The following MCMBP variants were observed in gnomAD, a reference collection of about 807,000 sequenced individuals.
MCMBP encodes mini-chromosome maintenance complex-binding protein.
A neutral mutation model predicts 81.3 loss-of-function variants in MCMBP; 31 were observed. The ratio of observed to expected loss-of-function variants is 0.38; its 90% confidence interval spans 0.29 to 0.51. The LOEUF (loss-of-function observed/expected upper bound fraction) is 0.51, where lower values mean the gene tolerates loss of function less well. Among genes scored for constraint, MCMBP ranks in the 20% least tolerant of loss-of-function variants. The probability of loss-of-function intolerance (pLI) is 0.87; values close to 1 mark genes in which losing one functional copy is unlikely to be tolerated. For synonymous variants in MCMBP, 267 were observed against 275.9 expected (o/e 0.97, Z 0.32); for missense variants, 645 against 772.1 (o/e 0.84, Z 1.95).
intron 13 of MCMBP, 149 bp from the exon 14 acceptor site, chr10:119,835,853 G>A: frequency 1.1e-6 from 1 of 890,608 alleles, no homozygotes; most frequent in Non-Finnish European, 1.7e-6. Flanking sequence ...TTTTTTCTGT[G>A]TGTGAGACAG....
chr10:119,856,155 G>C (rs1025843897), intron 5 of MCMBP, among the ~76,000 whole-genome samples: 1 of 152,214 alleles, frequency 6.6e-6, no homozygotes, highest in African/African-American at 2.4e-5. Context: ...CCAGGAGATG[G>C]AGGTTGCAGT....
At chr10:119,835,794 T>C (rs1001727324) in intron 13 of MCMBP, 90 bp from the exon 14 acceptor site, 13 of 1,354,676 alleles carry the variant, frequency 9.6e-6, no homozygotes, top group Non-Finnish European at 1.1e-5. Context: ...TCAGCCCCTA[T>C]GGGAATTAGA....
rs1009353023 is a variant in MCMBP at position 119,829,604 on chromosome 10, T to C, written c.*1870A>G. On this transcript the variant is annotated 3_prime_UTR_variant, in exon 16 of 16. Coordinates refer to ENST00000369077, the MANE Select transcript of MCMBP (RefSeq NM_001256378.2). ...GTATATATAGGTGAGGGACAAAGGGTTTCTGCAGCCAAGCACTGCACTCCA... is the reference window on the plus strand; with the variant it reads ...GTATATATAGGTGAGGGACAAAGGGCTTCTGCAGCCAAGCACTGCACTCCA... The C allele has an allele frequency of 1.3e-5, 2 of 151,986 alleles. No individual in the cohort carries two copies. Among genetic ancestry groups the C allele is most frequent in the Non-Finnish European group, 2.9e-5 (2 of 68,002 alleles). 9.4% of individuals were successfully genotyped at this position (151,986 alleles called of 1,614,324 possible). A position where few individuals can be genotyped will look rare whatever the true frequency, so the allele number is the denominator to read the frequency against.
Position 119,837,012 on chromosome 10 carries a change from C to T in MCMBP, c.1426G>A (p.Ala476Thr). The T allele has an allele frequency of 6.2e-7, 1 of 1,613,444 alleles. No individual in the cohort carries two copies. Among genetic ancestry groups the T allele is most frequent in the Non-Finnish European group, 8.5e-7 (1 of 1,179,708 alleles). ...TGCCACGTTATGAGGTTGCTCAGGG[C>T]TGTCACATTATGAACACCTACAAAG... ...LDTPGVHNVT[A>T]LSNLITWQKV... The change falls in exon 13 of 16, where the codon GCC becomes ACC. Residue 476 changes from alanine to threonine, a missense_variant. Ala to Thr is a moderately conservative substitution (Grantham distance 58). Transcript: ENST00000369077.
At chr10:119,866,891 A>T (rs1853477092) in intron 1 of MCMBP, among the ~76,000 whole-genome samples, 2 of 152,072 alleles carry the variant, frequency 1.3e-5, no homozygotes, top group South Asian at 4.1e-4. Flanking sequence ...TGAACCTGGG[A>T]GGTAGAGGTT....
Position 119,831,101 on chromosome 10 carries a change from CTGACTT to C in MCMBP, c.*367_*372del, listed in dbSNP as rs1303870820. ...ATAAGAAATCCGAAGCACGATTCCT[CTGACTT>C]TGAAACTGCAACAACCTTCTTCATT... On this transcript the variant is annotated 3_prime_UTR_variant, in exon 16 of 16. Coordinates refer to ENST00000369077, the MANE Select transcript of MCMBP (RefSeq NM_001256378.2). 1.3e-5 allele frequency: 2 copies of C among 157,020 alleles called. No individual in the cohort carries two copies. Among genetic ancestry groups the C allele is most frequent in the Non-Finnish European group, 2.8e-5 (2 of 71,552 alleles). The allele number at this position is 157,020 out of a possible 1,614,324, so 9.7% of individuals were successfully genotyped here. A position where few individuals can be genotyped will look rare whatever the true frequency, so the allele number is the denominator to read the frequency against.
intron 5 of MCMBP, among the ~76,000 whole-genome samples, chr10:119,855,299 G>A (rs1242258100): frequency 6.6e-6 from 1 of 152,208 alleles, no homozygotes; most frequent in African/African-American, 2.4e-5. Flanking sequence ...AGTGACTGGG[G>A]AGAAATTTAT....
rs187403743 is a variant in MCMBP at position 119,860,454 on chromosome 10, G to T, written c.59-570C>A. On this transcript the variant is annotated intron_variant, in intron 1 of 15. Transcript: ENST00000369077. The stretch of plus-strand genomic sequence containing the variant: ...TATTTTTGCCTACAAATATTTCAGC[G>T]TGTCTCCTAAGGAACAGTACTAACC... Among the ~76,000 whole-genome samples the T allele has an allele frequency of 2.5e-3, 382 of 152,146 alleles. 2 individuals carry two copies. The highest frequency in any genetic ancestry group is 8.6e-3 in the African/African-American group (358 of 41,506).
At position 119,870,444 on chromosome 10, in the gene MCMBP, CA is replaced by C. The variant is rs34275612; in HGVS notation, c.58+2082del. Among the ~76,000 whole-genome samples, 464 of 134,994 alleles carry C rather than the reference CA, an allele frequency of 3.4e-3. 1 individual carries two copies. Among genetic ancestry groups the C allele is most frequent in the African/African-American group, 8.9e-3 (322 of 36,176 alleles). 88.6% of individuals were successfully genotyped at this position (134,994 alleles called of 152,430 possible). On this transcript the variant is annotated intron_variant, in intron 1 of 15. Coordinates refer to ENST00000369077, the MANE Select transcript of MCMBP (RefSeq NM_001256378.2). Reference sequence around the variant, plus strand: ...CCTGGGTGACAGTGCGAGACTGTCTCAAAAAAAAAAAATGCATATTTCAAAA... The same window carrying C: ...CCTGGGTGACAGTGCGAGACTGTCTCAAAAAAAAAAATGCATATTTCAAAA...
chr10:119,838,823 A>G, intron 11 of MCMBP, 123 bp from the exon 12 acceptor site: 1 of 813,434 alleles, frequency 1.2e-6, no homozygotes, highest in South Asian at 2.6e-5. Flanking sequence ...CTAAGGGAGT[A>G]GTGATATGGT....
At chr10:119,850,548 G>A (rs1159593010) in intron 6 of MCMBP, among the ~76,000 whole-genome samples, 1 of 152,010 alleles carries the variant, frequency 6.6e-6, no homozygotes, top group Non-Finnish European at 1.5e-5. Flanking sequence ...AGGAGATTGA[G>A]ACCATCCTGG....
intron 1 of MCMBP, among the ~76,000 whole-genome samples, chr10:119,865,567 A>C: frequency 6.6e-6 from 1 of 152,182 alleles, no homozygotes; most frequent in East Asian, 1.9e-4. Flanking sequence ...TTCCTCAAAA[A>C]GTTAAATATA....
chr10:119,832,283 G>A (rs1011421724), intron 14 of MCMBP, among the ~76,000 whole-genome samples, 183 bp from the exon 15 acceptor site: 1 of 152,088 alleles, frequency 6.6e-6, no homozygotes, highest in African/African-American at 2.4e-5. Flanking sequence ...ATGAAACTCA[G>A]ATTCATTTAA....
intron 8 of MCMBP, among the ~76,000 whole-genome samples, chr10:119,845,294 G>A (rs2134359986): frequency 6.6e-6 from 1 of 152,130 alleles, no homozygotes; most frequent in East Asian, 1.9e-4. Flanking sequence ...GATGATTAAT[G>A]TCCGGTATTC....
At chr10:119,869,279 T>C (rs573262081) in intron 1 of MCMBP, among the ~76,000 whole-genome samples, 2 of 151,854 alleles carry the variant, frequency 1.3e-5, no homozygotes, top group South Asian at 2.1e-4. Context: ...CTACTAAAAA[T>C]ACAAAAATTA....
chr10:119,851,498 C>T (rs1004391979), intron 6 of MCMBP, among the ~76,000 whole-genome samples: 3 of 152,090 alleles, frequency 2.0e-5, no homozygotes, highest in African/African-American at 7.2e-5. Context: ...ATGGCATGAT[C>T]TCAGCTCACT....
chr10:119,836,209 C>T (rs531591027), intron 13 of MCMBP, among the ~76,000 whole-genome samples: 1 of 152,304 alleles, frequency 6.6e-6, no homozygotes, highest in African/African-American at 2.4e-5. Flanking sequence ...TTCTTGGTTA[C>T]TTATGTTTCC....
Position 119,853,007 on chromosome 10 carries a change from G to A in MCMBP, c.574+43C>T, listed in dbSNP as rs377187563. On this transcript the variant is annotated intron_variant, in intron 6 of 15. Coordinates refer to ENST00000369077, the MANE Select transcript of MCMBP (RefSeq NM_001256378.2). ...AATTCACTCTGAAAACCAATCTACT[G>A]TAAGAGAGCAAAGTCTAGAGAAAAC... The A allele has an allele frequency of 3.1e-6, 5 of 1,608,750 alleles. No homozygotes were observed. The Admixed American group carries it at 6.7e-5, about 22-fold the overall frequency.
chr10:119,861,710 ATTT>A (rs1203898371), intron 1 of MCMBP, among the ~76,000 whole-genome samples: 14 of 152,262 alleles, frequency 9.2e-5, no homozygotes, highest in African/African-American at 3.4e-4. Flanking sequence ...GCAGCAAGTT[ATTT>A]CTAAGTTACT....
Sources: allele counts gnomAD v4.1 joint callset (sites outside exome capture counted in the v4.1 genomes callset), GRCh38; gene constraint gnomAD v4.1.1; transcripts MANE v1.5; gene names NCBI Gene and HGNC (gene_info 2026-07-23, HGNC 2026-07-21).